Variants in ATG7 observed in about 807,000 individuals in gnomAD.
The protein encoded by ATG7 is ubiquitin-like modifier-activating enzyme ATG7.
A neutral mutation model predicts 82.4 loss-of-function variants in ATG7; 70 were observed. The observed-to-expected ratio is 0.85, with a 90% CI of 0.70 to 1.04. The LOEUF (loss-of-function observed/expected upper bound fraction) is 1.04. ATG7 is among the 50% of genes least tolerant of loss of function. ATG7 has a pLI of 0.00. For synonymous variants in ATG7, 287 were observed against 313.0 expected, an observed-to-expected ratio of 0.92 and a Z score of 0.88; for missense variants, 792 against 864.3, an observed-to-expected ratio of 0.92 and a Z score of 1.05.
At chr3:11,323,134 G>A (rs1950429885) in intron 9 of ATG7, among the ~76,000 whole-genome samples, 1 of 152,138 alleles carries the variant, frequency 6.6e-6, no homozygotes, top group African/African-American at 2.4e-5. Context: ...CATAATCAGT[G>A]GTGTGCTGGT....
chr3:11,478,274 T>A (rs544360694), intron 20 of ATG7, among the ~76,000 whole-genome samples: 5 of 152,336 alleles, frequency 3.3e-5, no homozygotes, highest in African/African-American at 9.6e-5. Flanking sequence ...CCAGAATGAA[T>A]CTCTATCTCT....
At chr3:11,491,907 G>A (rs913648797) in intron 20 of ATG7, among the ~76,000 whole-genome samples, 4 of 152,226 alleles carry the variant, frequency 2.6e-5, no homozygotes, top group African/African-American at 9.6e-5. Context: ...GGTTACTGCT[G>A]TCTTTTTGTT....
intron 1 of ATG7, among the ~76,000 whole-genome samples, chr3:11,276,317 A>G (rs997023131): frequency 3.9e-5 from 6 of 152,070 alleles, no homozygotes; most frequent in Non-Finnish European, 8.8e-5. Flanking sequence ...TAAGTCCTCT[A>G]TTTGTGCTTG....
rs1245155089 is a variant in ATG7 at position 11,333,102 on chromosome 3, C to G, written c.889+9C>G. The G allele has an allele frequency of 6.5e-7, 1 of 1,543,264 alleles. No individual in the cohort carries two copies. Among genetic ancestry groups the G allele is most frequent in the African/African-American group, 1.4e-5 (1 of 70,898 alleles). On this transcript the variant is annotated intron_variant, in intron 11 of 20. Coordinates refer to ENST00000693202, the MANE Select transcript of ATG7 (RefSeq NM_001349232.2). ...AATGGCATTTAGCCCAGGTAATTTG[C>G]CGGTCTTTGAAAATGCATATAATTA...
At chr3:11,283,949 A>C (rs114330130) in intron 3 of ATG7, among the ~76,000 whole-genome samples, 77 of 152,220 alleles carry the variant, frequency 5.1e-4, no homozygotes, top group African/African-American at 1.8e-3. Flanking sequence ...AACAAACCAA[A>C]AAAACTCCCC....
intron 19 of ATG7, among the ~76,000 whole-genome samples, chr3:11,397,448 T>C (rs1468632961): frequency 6.6e-6 from 1 of 151,830 alleles, no homozygotes; most frequent in East Asian, 1.9e-4. Flanking sequence ...TTACAAGAAC[T>C]ACCAGAAATA....
intron 19 of ATG7, among the ~76,000 whole-genome samples, chr3:11,411,593 C>T (rs2080898270): frequency 8.1e-6 from 1 of 122,714 alleles, no homozygotes; most frequent in Non-Finnish European, 1.6e-5. Flanking sequence ...GCACTCCAGC[C>T]TGGTGACACA....
chr3:11,403,688 C>T (rs761227637), intron 19 of ATG7, among the ~76,000 whole-genome samples: 4 of 152,158 alleles, frequency 2.6e-5, no homozygotes, highest in East Asian at 3.9e-4. Context: ...GAAATTAATA[C>T]GAATGCTAAT....
chr3:11,365,822 A>G (rs576867876), intron 18 of ATG7, among the ~76,000 whole-genome samples: 1 of 152,182 alleles, frequency 6.6e-6, no homozygotes, highest in Non-Finnish European at 1.5e-5. Flanking sequence ...CAGTCTGACA[A>G]ATGTTCTTTC....
At chr3:11,374,809 CAGG>C (rs2077272379) in intron 18 of ATG7, among the ~76,000 whole-genome samples, 1 of 142,234 alleles carries the variant, frequency 7.0e-6, no homozygotes. Flanking sequence ...GAGGCTGAGG[CAGG>C]AGAAGGGTGT....
intron 19 of ATG7, among the ~76,000 whole-genome samples, chr3:11,415,292 T>G (rs1167540288): frequency 6.6e-6 from 1 of 152,132 alleles, no homozygotes; most frequent in East Asian, 1.9e-4. Flanking sequence ...TCTGGGTGAG[T>G]CAGTAGTGAG....
chr3:11,385,043 T>C (rs2078212469), intron 19 of ATG7, among the ~76,000 whole-genome samples: 1 of 152,136 alleles, frequency 6.6e-6, no homozygotes, highest in Non-Finnish European at 1.5e-5. Flanking sequence ...TTTGTTTGTT[T>C]GTTTTGGGAC....
intron 13 of ATG7, among the ~76,000 whole-genome samples, chr3:11,342,635 A>G (rs1179497571): frequency 2.0e-5 from 3 of 152,190 alleles, no homozygotes; most frequent in Admixed American, 1.3e-4. Context: ...CATACTATCT[A>G]TAACAGGTTT....
downstream of ATG7, among the ~76,000 whole-genome samples, chr3:11,561,892 T>TTTA (rs33943450): frequency 3.5e-4 from 1 of 2,892 alleles, no homozygotes; most frequent in Non-Finnish European, 1.0e-3. Context: ...TGCGCCAAAC[T>TTTA]TTTTTTTTTT....
intron 9 of ATG7, among the ~76,000 whole-genome samples, chr3:11,316,283 T>A (rs1290768893): frequency 6.6e-6 from 1 of 152,204 alleles, no homozygotes; most frequent in Non-Finnish European, 1.5e-5. Context: ...CTTTCCTGCC[T>A]TATCTTCCAT....
intron 20 of ATG7, among the ~76,000 whole-genome samples, chr3:11,478,971 A>C (rs1215198213): frequency 6.8e-6 from 1 of 148,106 alleles, no homozygotes; most frequent in Non-Finnish European, 1.5e-5. Flanking sequence ...AACTTTGAAT[A>C]TGTGCCTGTA....
intron 19 of ATG7, among the ~76,000 whole-genome samples, chr3:11,417,569 A>G (rs1432228564): frequency 3.3e-5 from 5 of 151,494 alleles, no homozygotes; most frequent in African/African-American, 9.7e-5. Context: ...ATTTAAATTG[A>G]TTTTCTTTTA....
At chr3:11,395,965 A>C (rs67868453) in intron 19 of ATG7, among the ~76,000 whole-genome samples, 26 of 78,094 alleles carry the variant, frequency 3.3e-4, no homozygotes, top group Non-Finnish European at 4.3e-4. Context: ...AAAAAAAAAA[A>C]GGTAGGGGGG....
chr3:11,478,239 T>TA (rs1248205959), intron 20 of ATG7, among the ~76,000 whole-genome samples: 2 of 152,206 alleles, frequency 1.3e-5, no homozygotes, highest in Admixed American at 1.3e-4. Context: ...TATCCAAACT[T>TA]AAAAAAAATT....
Sources: gnomAD v4.1 joint callset for allele counts (sites outside exome capture counted in the v4.1 genomes callset) on GRCh38, gnomAD v4.1.1 for gene constraint, MANE v1.5 for transcripts, NCBI Gene and HGNC (gene_info 2026-07-23, HGNC 2026-07-21) for gene names.